Variants in PHC2 observed in about 807,000 individuals in gnomAD.
PHC2 encodes polyhomeotic homolog 2.
In PHC2, 29 loss-of-function variants were observed where a neutral mutation model predicts 87.4. The ratio of observed to expected loss-of-function variants is 0.33; its 90% confidence interval spans 0.25 to 0.45. The LOEUF is 0.45. PHC2 is among the 20% of genes least tolerant of loss of function. The pLI is 1.00. For missense variants in PHC2, 857 were observed against 1,136.7 expected, an observed-to-expected ratio of 0.75 and a Z score of 3.54; for synonymous variants, 438 against 461.7, an observed-to-expected ratio of 0.95 and a Z score of 0.66.
In PHC2 at chr1:33,380,563, T is replaced by C. The variant is rs191294186; in HGVS notation, c.-54-4970A>G. ...ATTGTATACCTACATACACACCACA[T>C]TGTGTTTGTTCATCTGTTGATGAAC... is the stretch of plus-strand genomic sequence containing the variant. On this transcript the variant is annotated intron_variant, in intron 1 of 14. Transcript: ENST00000683057. Among the ~76,000 whole-genome samples the C allele has an allele frequency of 1.4e-3, 207 of 152,362 alleles. 3 individuals carry two copies. Among genetic ancestry groups the C allele is most frequent in the Admixed American group, 0.011 (175 of 15,310 alleles).
chr1:33,425,053 C>G (rs2148409522), intron 1 of PHC2, among the ~76,000 whole-genome samples: 1 of 152,338 alleles, frequency 6.6e-6, no homozygotes, highest in East Asian at 1.9e-4. Flanking sequence ...AAGCCAGACA[C>G]AGATGTACCC....
At position 33,349,790 on chromosome 1, in the gene PHC2, C is replaced by CGAGGCCGGGACGG. The variant is rs1553184921; in HGVS notation, c.1558+4598_1558+4610dup. On this transcript the variant is annotated intron_variant, in intron 9 of 14. Coordinates refer to ENST00000683057, the MANE Select transcript of PHC2 (RefSeq NM_001385109.1). The surrounding 1 kb of genome is among the most constrained non-coding windows in gnomAD (Gnocchi z 4.2). Reference sequence around the variant, plus strand: ...GCGTCAACAAAGGGCGGCCGGGGCGCGAGGCCGGGACGGGGGCGCGAGGCC... The same window carrying CGAGGCCGGGACGG: ...GCGTCAACAAAGGGCGGCCGGGGCGCGAGGCCGGGACGGGAGGCCGGGACGGGGGCGCGAGGCC... The CGAGGCCGGGACGG allele has an allele frequency of 5.1e-6, 5 of 977,836 alleles. No individual in the cohort carries two copies. The highest frequency in any genetic ancestry group is 6.1e-6 in the Non-Finnish European group (5 of 826,164). 60.6% of individuals were successfully genotyped at this position (977,836 alleles called of 1,614,324 possible).
In PHC2 at chr1:33,386,947, T is replaced by C. The variant is rs1648791821; in HGVS notation, c.-54-11354A>G. 2.0e-5 allele frequency among the ~76,000 whole-genome samples: 3 copies of C among 152,242 alleles called. No homozygotes were observed. The South Asian group carries it at 6.2e-4, about 32-fold the overall frequency. On this transcript the variant is annotated intron_variant, in intron 1 of 14. Coordinates refer to ENST00000683057, the MANE Select transcript of PHC2 (RefSeq NM_001385109.1). ...ATTTTCTCCTGCTCCTGCTCAGCCT[T>C]GAACTGGCCTGATGGTTAAACCGTA...
chr1:33,332,144 A>T lies in PHC2; in HGVS notation c.1891+131T>A. The T allele has an allele frequency of 2.1e-6, 2 of 953,828 alleles. No homozygotes were observed. Among genetic ancestry groups the T allele is most frequent in the Admixed American group, 2.2e-5 (1 of 44,666 alleles). The allele number at this position is 953,828 out of a possible 1,614,324, so 59.1% of individuals were successfully genotyped here. On this transcript the variant is annotated intron_variant, in intron 11 of 14. Coordinates refer to ENST00000683057, the MANE Select transcript of PHC2 (RefSeq NM_001385109.1). The surrounding 1 kb of genome is among the most constrained non-coding windows in gnomAD (Gnocchi z 4.2). Reference sequence around the variant, plus strand: ...TCTTTTTGAGGGAAGGAGGCTGAGGAGGTGCTGGGGGAAATGTTTACAGAC... The same window carrying T: ...TCTTTTTGAGGGAAGGAGGCTGAGGTGGTGCTGGGGGAAATGTTTACAGAC...
At chr1:33,327,720 G>C (rs1473071496) in intron 14 of PHC2, among the ~76,000 whole-genome samples, 1 of 152,270 alleles carries the variant, frequency 6.6e-6, no homozygotes, top group Middle Eastern at 3.4e-3. Flanking sequence ...GAGAACACTC[G>C]AGCAGCCCTC....
chr1:33,331,067 G>A lies in PHC2; in HGVS notation c.2006+281C>T, dbSNP rs1266441068. ...CCCTAACAAGGCAGGGGCTGTCAATGCTAGGAAAGGCGAATGGGTGCCAGT... is the reference window on the plus strand; with the variant it reads ...CCCTAACAAGGCAGGGGCTGTCAATACTAGGAAAGGCGAATGGGTGCCAGT... On this transcript the variant is annotated intron_variant, in intron 12 of 14. Transcript: ENST00000683057. The surrounding 1 kb of genome is among the most constrained non-coding windows in gnomAD (Gnocchi z 5.2). Among the ~76,000 whole-genome samples the A allele has an allele frequency of 6.6e-6, 1 of 152,180 alleles. No individual in the cohort carries two copies. The highest frequency in any genetic ancestry group is 2.4e-5 in the African/African-American group (1 of 41,440).
In PHC2 at chr1:33,324,167, C is replaced by T. The variant is rs977985973; in HGVS notation, c.*698G>A. ...TTCTTGGCTATTCCCCATCCTGAGG[C>T]TGAGTGGAGTCCAGGACAAAGCACT... On this transcript the variant is annotated 3_prime_UTR_variant, in exon 15 of 15. Coordinates refer to ENST00000683057, the MANE Select transcript of PHC2 (RefSeq NM_001385109.1). 6.5e-6 allele frequency: 1 copy of T among 152,804 alleles called. No homozygotes were observed. Among genetic ancestry groups the T allele is most frequent in the Non-Finnish European group, 1.5e-5 (1 of 68,160 alleles). The allele number at this position is 152,804 out of a possible 1,614,324, so 9.5% of individuals were successfully genotyped here.
Position 33,375,525 on chromosome 1 carries a change from C to A in PHC2, c.15G>T (p.Leu5=), listed in dbSNP as rs1453463298. Residue 5 remains leucine, a synonymous_variant, in exon 2 of 15, where the codon CTG becomes CTT. Transcript: ENST00000683057. MENE[L]PVPHTSSSAC... is the part of the protein sequence containing the mutation. ...CACTGCTAGATGTATGTGGGACTGG[C>A]AGCTCATTCTCCATGGCCTGCAGTG... 2 of 1,585,672 alleles carry A rather than the reference C, an allele frequency of 1.3e-6. No homozygotes were observed. The highest frequency in any genetic ancestry group is 1.7e-6 in the Non-Finnish European group (2 of 1,164,704).
chr1:33,354,597 T>C, intron 8 of PHC2, 31 bp from the exon 9 acceptor site: 2 of 1,594,986 alleles, frequency 1.3e-6, no homozygotes, highest in Non-Finnish European at 1.7e-6. Flanking sequence ...GAGGGGGGCC[T>C]CTCAGAAATA....
chr1:33,413,863 G>A lies in PHC2; in HGVS notation c.-55+17113C>T, dbSNP rs187649142. 1.7e-3 allele frequency among the ~76,000 whole-genome samples: 260 copies of A among 152,248 alleles called. 4 individuals are homozygous for A. Among genetic ancestry groups the A allele is most frequent in the Non-Finnish European group, 2.6e-4 (18 of 68,016 alleles). On this transcript the variant is annotated intron_variant, in intron 1 of 14. Coordinates refer to ENST00000683057, the MANE Select transcript of PHC2 (RefSeq NM_001385109.1). ...TATCCATCAAACTCTGTCTTCGAATGCCTCCTGTGGCCCAGAGTACATGAC... is the reference window on the plus strand; with the variant it reads ...TATCCATCAAACTCTGTCTTCGAATACCTCCTGTGGCCCAGAGTACATGAC...
intron 1 of PHC2, among the ~76,000 whole-genome samples, chr1:33,406,435 A>G (rs1649766511): frequency 6.6e-6 from 1 of 152,104 alleles, no homozygotes. Context: ...CGGGGGGTGC[A>G]GTTCTATGCA....
In PHC2 at chr1:33,424,582, G is replaced by A. The variant is rs375534562; in HGVS notation, c.-55+6394C>T. On this transcript the variant is annotated intron_variant, in intron 1 of 14. Coordinates refer to ENST00000683057, the MANE Select transcript of PHC2 (RefSeq NM_001385109.1). ...CTAATAGACTCACAAAATTTTAGAC[G>A]CTGGTCTCTGCCCAAAACTTGTTTC... Among the ~76,000 whole-genome samples, 19 of 152,298 alleles carry A rather than the reference G, an allele frequency of 1.2e-4. 1 individual carries two copies. The highest frequency in any genetic ancestry group is 4.6e-4 in the Admixed American group (7 of 15,296).
Position 33,334,426 on chromosome 1 carries a change from C to T in PHC2, c.1559-134G>A. 1 of 719,908 alleles carries T rather than the reference C, an allele frequency of 1.4e-6. No individual in the cohort carries two copies. The highest frequency in any genetic ancestry group is 1.7e-5 in the South Asian group (1 of 59,214). The allele number at this position is 719,908 out of a possible 1,614,324, so 44.6% of individuals were successfully genotyped here. On this transcript the variant is annotated intron_variant, in intron 9 of 14. Transcript: ENST00000683057. The surrounding 1 kb of genome is among the most constrained non-coding windows in gnomAD (Gnocchi z 5.5). ...AAGCGACAATGCAAACCAAGCAGTC[C>T]CCTCCCCTCAGTGACCCATTTAAAA...
chr1:33,409,056 A>G (rs970727874), intron 1 of PHC2, among the ~76,000 whole-genome samples: 3 of 152,224 alleles, frequency 2.0e-5, no homozygotes, highest in African/African-American at 7.2e-5. Flanking sequence ...ATACTGTTCA[A>G]TCATGAGTAG....
At position 33,323,977 on chromosome 1, in the gene PHC2, G is replaced by C. The variant is rs1226560290; in HGVS notation, c.*888C>G. 5 of 152,336 alleles carry C rather than the reference G, an allele frequency of 3.3e-5. No homozygotes were observed. The highest frequency in any genetic ancestry group is 2.9e-5 in the Non-Finnish European group (2 of 68,112). 9.4% of individuals were successfully genotyped at this position (152,336 alleles called of 1,614,324 possible). A position where few individuals can be genotyped will look rare whatever the true frequency, so the allele number is the denominator to read the frequency against. On this transcript the variant is annotated 3_prime_UTR_variant, in exon 15 of 15. Coordinates refer to ENST00000683057, the MANE Select transcript of PHC2 (RefSeq NM_001385109.1). The stretch of plus-strand genomic sequence containing the variant: ...GGTGGGCGGGCAGGCAGGCCAGGAG[G>C]CTCAGCCCTTTGGGCTATGTTGCTC...
chr1:33,366,340 C>G (rs555724972), intron 7 of PHC2, among the ~76,000 whole-genome samples: 9 of 152,322 alleles, frequency 5.9e-5, no homozygotes, highest in African/African-American at 2.2e-4. Flanking sequence ...GGGCTCTTGG[C>G]AGATTTTCCC....
At chr1:33,430,238 C>T (rs1038032031) in intron 1 of PHC2, among the ~76,000 whole-genome samples, 24 of 152,336 alleles carry the variant, frequency 1.6e-4, no homozygotes, top group African/African-American at 5.8e-4. Context: ...CAGCAGCGAC[C>T]TTTTCCCATG....
intron 1 of PHC2, among the ~76,000 whole-genome samples, chr1:33,393,293 C>T (rs1478683596): frequency 6.6e-6 from 1 of 152,080 alleles, no homozygotes; most frequent in East Asian, 1.9e-4. Flanking sequence ...CCTCAGCCCT[C>T]CTGTTTAGAA....
intron 7 of PHC2, among the ~76,000 whole-genome samples, chr1:33,362,248 G>A (rs914028473): frequency 1.3e-5 from 2 of 152,210 alleles, no homozygotes; most frequent in African/African-American, 4.8e-5. Context: ...TAGATGCTCA[G>A]TAAATGGTAA....
Sources: allele counts gnomAD v4.1 joint callset (sites outside exome capture counted in the v4.1 genomes callset), GRCh38; gene constraint gnomAD v4.1.1; non-coding constraint Gnocchi (gnomAD v3.1); transcripts MANE v1.5; gene names NCBI Gene and HGNC (gene_info 2026-07-23, HGNC 2026-07-21).